The following SELENOO variants were observed in gnomAD, a reference collection of about 807,000 sequenced individuals.
The protein encoded by SELENOO is selenoprotein O, also known as protein adenylyltransferase SelO, mitochondrial.
A neutral mutation model predicts 58.7 loss-of-function variants in SELENOO; 74 were observed. The ratio of observed to expected loss-of-function variants is 1.26; its 90% CI spans 1.04 to 1.53. The LOEUF is 1.53. Ranked by LOEUF, SELENOO falls within the 40% of genes most tolerant of loss-of-function variation. The pLI is 0.00. For synonymous variants in SELENOO, 543 were observed against 453.2 expected (o/e 1.20, Z -2.52); for missense variants, 1,149 against 970.0 (o/e 1.18, Z -2.45).
intron 2 of SELENOO, among the ~76,000 whole-genome samples, chr22:50,208,180 C>T (rs1166087289): frequency 6.6e-6 from 1 of 152,096 alleles, no homozygotes; most frequent in Non-Finnish European, 1.5e-5. Flanking sequence ...GCCTGTAATC[C>T]CAGCACTTTG....
intron 5 of SELENOO, among the ~76,000 whole-genome samples, chr22:50,213,546 G>A (rs1274452467): frequency 6.6e-6 from 1 of 151,856 alleles, no homozygotes; most frequent in Non-Finnish European, 1.5e-5. Context: ...AAGACGGTGT[G>A]CTCTCTTCTG....
chr22:50,216,759 C>A lies in SELENOO; in HGVS notation c.1571C>A (p.Ala524Glu). ...PQLFALMGTRAGIARELERVE... is the reference protein window; with the variant it reads ...PQLFALMGTREGIARELERVE... ...CTGTTCGCGCTTATGGGCACCCGGG[C>A]AGGCATCGCCAGGGAGCTGGAGCGT... Residue 524 changes from alanine (A) to glutamate (E), a missense_variant, in exon 7 of 9, where the codon GCA becomes GAA. Physicochemically the swap from Ala to Glu is moderately radical, Grantham distance 107 (BLOSUM62 -1). Transcript: ENST00000380903. 6.2e-7 allele frequency: 1 copy of A among 1,607,830 alleles called. No individual in the cohort carries two copies.
chr22:50,203,679 T>A (rs2064315716), intron 1 of SELENOO, among the ~76,000 whole-genome samples: 1 of 152,226 alleles, frequency 6.6e-6, no homozygotes, highest in Non-Finnish European at 1.5e-5. Flanking sequence ...AGAATGAAGC[T>A]GGGTCCTTAA....
chr22:50,216,613 TG>T (rs1429091466), intron 6 of SELENOO, 77 bp from the exon 7 acceptor site: 5 of 1,352,246 alleles, frequency 3.7e-6, no homozygotes, highest in Non-Finnish European at 4.0e-6. Flanking sequence ...GAGAGCGGGC[TG>T]GGGCAGGCGG....
Position 50,210,705 on chromosome 22 carries a change from G to A in SELENOO, c.1145G>A (p.Cys382Tyr). ...RYAYSKQPEV[C>Y]RWNLRKLAEA... ...GCGTACAGCAAGCAGCCCGAGGTGT[G>A]CAGGTGGAACCTGCGGAAGCTGGCC... Residue 382 changes from cysteine to tyrosine, a missense_variant, in exon 5 of 9, where the codon TGC (cysteine) becomes TAC (tyrosine). Coordinates refer to ENST00000380903, the MANE Select transcript of SELENOO (RefSeq NM_031454.2). 6.2e-7 allele frequency: 1 copy of A among 1,613,430 alleles called. No individual in the cohort carries two copies. The highest frequency in any genetic ancestry group is 8.5e-7 in the Non-Finnish European group (1 of 1,180,014).
At chr22:50,209,373 G>A (rs2147161967) in intron 3 of SELENOO, 1 of 152,656 alleles carries the variant, frequency 6.6e-6, no homozygotes, top group African/African-American at 2.4e-5. Flanking sequence ...GGGGCTGTTG[G>A]GCTGCCGTCA....
chr22:50,217,140 C>T lies in SELENOO; in HGVS notation c.1845+12C>T. 2 of 1,611,794 alleles carry T rather than the reference C, an allele frequency of 1.2e-6. No individual in the cohort carries two copies. The highest frequency in any genetic ancestry group is 1.7e-6 in the Non-Finnish European group (2 of 1,178,922). On this transcript the variant is annotated intron_variant, in intron 8 of 8. Coordinates refer to ENST00000380903, the MANE Select transcript of SELENOO (RefSeq NM_031454.2). ...GGGACTTCTCAGAGGCAAGCACACG[C>T]CTGTCCCTGTGGTCCCTGGGAGGGG...
chr22:50,212,727 T>A (rs1459748688), intron 5 of SELENOO, among the ~76,000 whole-genome samples: 1 of 152,226 alleles, frequency 6.6e-6, no homozygotes, highest in Non-Finnish European at 1.5e-5. Flanking sequence ...TTCAGTCTGT[T>A]GTCTCCCTCT....
intron 5 of SELENOO, 44 bp from the exon 6 acceptor site, chr22:50,215,673 C>T (rs377486309): frequency 1.4e-5 from 21 of 1,533,260 alleles, no homozygotes; most frequent in South Asian, 2.4e-5. Flanking sequence ...GGACAGGGAC[C>T]CTGGGCCTTC....
In SELENOO at chr22:50,206,205, G is replaced by A. The variant is rs143779186; in HGVS notation, c.555-112G>A. 103 of 907,792 alleles carry A rather than the reference G, an allele frequency of 1.1e-4. No individual in the cohort carries two copies. The East Asian group carries it at 2.1e-3, about 19-fold the overall frequency. The allele number at this position is 907,792 out of a possible 1,614,324, so 56.2% of individuals were successfully genotyped here. On this transcript the variant is annotated intron_variant, in intron 1 of 8. Transcript: ENST00000380903. ...CCTGGGACGGGCGGTTTTCAGGGAC[G>A]TGCAAGCTGCTCACGTTACACGCGT...
chr22:50,215,779 G>A lies in SELENOO; in HGVS notation c.1414G>A (p.Gly472Ser), dbSNP rs747380364. Residue 472 changes from glycine to serine, a missense_variant, in exon 6 of 9, where the codon GGC (glycine) becomes AGC (serine). Coordinates refer to ENST00000380903, the MANE Select transcript of SELENOO (RefSeq NM_031454.2). Reference sequence around the variant, plus strand: ...CTTCCCAGTGGAGCTAGAGTCGCCAGGCCTGGCGGAATTCCTGGCCAGGCT... The same window carrying A: ...CTTCCCAGTGGAGCTAGAGTCGCCAAGCCTGGCGGAATTCCTGGCCAGGCT... The part of the protein sequence containing the change: ...SSFPVELESP[G>S]LAEFLARLME... The A allele has an allele frequency of 3.7e-6, 6 of 1,612,508 alleles. No homozygotes were observed. The highest frequency in any genetic ancestry group is 1.3e-5 in the African/African-American group (1 of 75,050).
intron 1 of SELENOO, among the ~76,000 whole-genome samples, chr22:50,202,279 C>T (rs1319859314): frequency 6.6e-6 from 1 of 152,150 alleles, no homozygotes; most frequent in East Asian, 1.9e-4. Context: ...CCTCCCTGTG[C>T]TCTCATCACC....
chr22:50,203,697 A>G (rs2064315795), intron 1 of SELENOO, among the ~76,000 whole-genome samples: 1 of 152,262 alleles, frequency 6.6e-6, no homozygotes, highest in Non-Finnish European at 1.5e-5. Flanking sequence ...TAACTACACC[A>G]TGAACGAAGT....
At chr22:50,201,912 TG>T in intron 1 of SELENOO, among the ~76,000 whole-genome samples, 1 of 152,346 alleles carries the variant, frequency 6.6e-6, no homozygotes, top group East Asian at 1.9e-4. Context: ...CGATCGCTCG[TG>T]GGGCGGGCCG....
At chr22:50,214,840 C>T (rs1354025921) in intron 5 of SELENOO, among the ~76,000 whole-genome samples, 1 of 152,236 alleles carries the variant, frequency 6.6e-6, no homozygotes, top group Non-Finnish European at 1.5e-5. Flanking sequence ...GCCTGGGTTT[C>T]TTCATCCTTT....
At position 50,217,429 on chromosome 22, in the gene SELENOO, G is replaced by A. The variant is rs2064430653; in HGVS notation, c.*60G>A. ...CGAGGCCCCCATGTGCTGCTGAGTG[G>A]CCAAGATGATGCCAGGCTGCCCTAT... On this transcript the variant is annotated 3_prime_UTR_variant, in exon 9 of 9. Coordinates refer to ENST00000380903, the MANE Select transcript of SELENOO (RefSeq NM_031454.2). 2 of 1,581,194 alleles carry A rather than the reference G, an allele frequency of 1.3e-6. No individual in the cohort carries two copies. The highest frequency in any genetic ancestry group is 1.9e-5 in the Admixed American group (1 of 52,826).
chr22:50,210,545 C>T (rs1425081229), intron 4 of SELENOO, 86 bp from the exon 5 acceptor site: 32 of 1,585,412 alleles, frequency 2.0e-5, no homozygotes, highest in Non-Finnish European at 2.6e-5. Context: ...TGGGACCTTC[C>T]CCTGGGCCTC....
intron 4 of SELENOO, 100 bp downstream of exon 4, chr22:50,210,411 G>C (rs574819983): frequency 1.0e-5 from 15 of 1,487,078 alleles, no homozygotes; most frequent in Admixed American, 2.1e-5. Context: ...TGATGCTTGA[G>C]GGGGAGCCGA....
At chr22:50,216,668 C>T (rs779016717) in intron 6 of SELENOO, 23 bp from the exon 7 acceptor site, 18 of 1,560,736 alleles carry the variant, frequency 1.2e-5, no homozygotes, top group East Asian at 4.8e-5. Context: ...GGCTACCTCC[C>T]AGACACCCTG....
Sources: gnomAD v4.1 joint callset for allele counts (sites outside exome capture counted in the v4.1 genomes callset) on GRCh38, gnomAD v4.1.1 for gene constraint, MANE v1.5 for transcripts, NCBI Gene and HGNC (gene_info 2026-07-23, HGNC 2026-07-21) for gene names.